SPATA17: variants seen among roughly 807,000 people sequenced by gnomAD.
The protein encoded by SPATA17 is spermatogenesis-associated protein 17.
In SPATA17, 53 loss-of-function variants were observed where a neutral mutation model predicts 62.2. The ratio of observed to expected loss-of-function variants is 0.85; its 90% confidence interval spans 0.68 to 1.07. SPATA17 has a LOEUF of 1.07. Among genes scored for constraint, SPATA17 ranks in the 50% least tolerant of loss-of-function variants. The probability of loss-of-function intolerance (pLI) is 0.00; values close to 1 mark genes in which losing one functional copy is unlikely to be tolerated. For synonymous variants in SPATA17, 146 were observed against 146.8 expected (o/e 0.99, Z 0.04); for missense variants, 466 against 425.5 (o/e 1.10, Z -0.84).
chr1:217,784,822 C>A (rs1009760566), intron 8 of SPATA17: 1 of 152,188 alleles, frequency 6.6e-6, no homozygotes, highest in African/African-American at 2.4e-5. Context: ...GAGCACAGCT[C>A]TGCCTACACC....
intron 8 of SPATA17, among the ~76,000 whole-genome samples, chr1:217,794,115 C>CAAAAAAAAAAAAAA (rs376080845): frequency 1.8e-5 from 1 of 54,702 alleles, no homozygotes; most frequent in Non-Finnish European, 3.7e-5. Context: ...GACTCCGTCA[C>CAAAAAAAAAAAAAA]AAAAAAAAAA....
chr1:217,771,674 T>C (rs186307045), intron 6 of SPATA17, among the ~76,000 whole-genome samples: 1 of 152,296 alleles, frequency 6.6e-6, no homozygotes, highest in East Asian at 1.9e-4. Flanking sequence ...AAATGATACA[T>C]TTGAAATTCA....
chr1:217,787,728 A>G (rs552031383), intron 8 of SPATA17, among the ~76,000 whole-genome samples: 2 of 151,218 alleles, frequency 1.3e-5, no homozygotes, highest in Non-Finnish European at 3.0e-5. Flanking sequence ...TGCAATTATT[A>G]AACGCTCTTC....
intron 3 of SPATA17, among the ~76,000 whole-genome samples, chr1:217,663,182 T>G (rs1670608455): frequency 6.6e-6 from 1 of 152,118 alleles, no homozygotes; most frequent in Non-Finnish European, 1.5e-5. Context: ...CAGTGGCTGA[T>G]GCCTGTAATC....
At chr1:217,848,607 T>C (rs897943239) in intron 9 of SPATA17, among the ~76,000 whole-genome samples, 2 of 152,162 alleles carry the variant, frequency 1.3e-5, no homozygotes, top group Admixed American at 1.3e-4. Flanking sequence ...TAAAAATCTT[T>C]CAATATAATC....
chr1:217,727,150 G>A (rs915148498), intron 5 of SPATA17, among the ~76,000 whole-genome samples: 1 of 151,820 alleles, frequency 6.6e-6, no homozygotes, highest in Non-Finnish European at 1.5e-5. Flanking sequence ...GGGAGGCTGA[G>A]GCAGGAGAAT....
intron 5 of SPATA17, among the ~76,000 whole-genome samples, chr1:217,691,007 T>G (rs1671341311): frequency 6.8e-6 from 1 of 146,752 alleles, no homozygotes; most frequent in South Asian, 2.2e-4. Flanking sequence ...ATACACCCAG[T>G]AATGGGATGG....
chr1:217,704,539 C>A (rs376719500), intron 5 of SPATA17, among the ~76,000 whole-genome samples: 2 of 151,784 alleles, frequency 1.3e-5, no homozygotes, highest in East Asian at 2.0e-4. Flanking sequence ...CGTGAGCCAC[C>A]GCGCCCGGCC....
chr1:217,792,098 A>C (rs1041755961), intron 8 of SPATA17, among the ~76,000 whole-genome samples: 1 of 152,182 alleles, frequency 6.6e-6, no homozygotes, highest in African/African-American at 2.4e-5. Context: ...ATAATTTTTA[A>C]ATGTTTGAAG....
At chr1:217,664,149 T>C (rs1254941694) in intron 3 of SPATA17, among the ~76,000 whole-genome samples, 3 of 151,982 alleles carry the variant, frequency 2.0e-5, no homozygotes, top group Admixed American at 2.0e-4. Flanking sequence ...TAAACTGAAG[T>C]GTGGGGTCAT....
chr1:217,764,440 T>C (rs928720896), intron 6 of SPATA17, among the ~76,000 whole-genome samples: 2 of 152,172 alleles, frequency 1.3e-5, no homozygotes, highest in Non-Finnish European at 2.9e-5. Flanking sequence ...TGCTAAATAT[T>C]ATTTCATTGT....
intron 6 of SPATA17, among the ~76,000 whole-genome samples, chr1:217,755,090 G>T (rs551861734): frequency 6.6e-6 from 1 of 151,996 alleles, no homozygotes; most frequent in African/African-American, 2.4e-5. Context: ...TACACAGAAA[G>T]TTTGCTTATT....
chr1:217,681,451 G>A (rs978068070), intron 4 of SPATA17, among the ~76,000 whole-genome samples: 1 of 151,778 alleles, frequency 6.6e-6, no homozygotes, highest in Non-Finnish European at 1.5e-5. Context: ...TCGGCTCACT[G>A]CAACCTCTGC....
chr1:217,641,202 A>T (rs1571698456), intron 1 of SPATA17, among the ~76,000 whole-genome samples: 1 of 152,156 alleles, frequency 6.6e-6, no homozygotes, highest in East Asian at 1.9e-4. Context: ...ATTTTTAGGT[A>T]TTGATACAGT....
chr1:217,731,056 T>G (rs1219089483), intron 5 of SPATA17, among the ~76,000 whole-genome samples: 1 of 152,164 alleles, frequency 6.6e-6, no homozygotes. Flanking sequence ...TAAACCACTT[T>G]CTTCTCTTCT....
intron 6 of SPATA17, among the ~76,000 whole-genome samples, chr1:217,748,078 C>T (rs1008544860): frequency 1.6e-4 from 25 of 151,664 alleles, no homozygotes; most frequent in Non-Finnish European, 2.5e-4. Context: ...CCGAGGTGGG[C>T]GGATCACGAG....
intron 9 of SPATA17, among the ~76,000 whole-genome samples, chr1:217,819,060 GT>G (rs1169815044): frequency 6.6e-6 from 1 of 151,176 alleles, no homozygotes; most frequent in African/African-American, 2.4e-5. Flanking sequence ...TTCTTAGTTT[GT>G]GAGCTTTTAT....
chr1:217,746,634 A>G (rs564181301), intron 6 of SPATA17, among the ~76,000 whole-genome samples: 1 of 151,834 alleles, frequency 6.6e-6, no homozygotes, highest in South Asian at 2.1e-4. Context: ...GCAAAGTTTT[A>G]AAGTCAGGTT....
intron 5 of SPATA17, among the ~76,000 whole-genome samples, chr1:217,684,867 T>C (rs1314685304): frequency 6.6e-6 from 1 of 152,142 alleles, no homozygotes; most frequent in Non-Finnish European, 1.5e-5. Flanking sequence ...ACATATGTTG[T>C]GAATATAAAG....
Sources: allele counts gnomAD v4.1 joint callset (sites outside exome capture counted in the v4.1 genomes callset), GRCh38; gene constraint gnomAD v4.1.1; transcripts MANE v1.5; gene names NCBI Gene and HGNC (gene_info 2026-07-23, HGNC 2026-07-21).